Variants in RNF180 observed in about 807,000 individuals in gnomAD.
RNF180 encodes the protein E3 ubiquitin-protein ligase RNF180.
Under a neutral mutation model 59.2 loss-of-function variants are expected in RNF180, and 38 were observed. The observed-to-expected ratio is 0.64, with a 90% CI of 0.50 to 0.84. RNF180 has a LOEUF of 0.84. Among genes scored for constraint, RNF180 ranks in the 40% least tolerant of loss-of-function variants. The probability of loss-of-function intolerance (pLI) is 0.00; values close to 1 mark genes in which losing one functional copy is unlikely to be tolerated. For missense variants in RNF180, 705 were observed against 700.9 expected (o/e 1.01, Z -0.07); for synonymous variants, 262 against 240.3 (o/e 1.09, Z -0.84).
intron 5 of RNF180, among the ~76,000 whole-genome samples, chr5:64,317,340 A>G (rs1215739409): frequency 6.6e-6 from 1 of 152,102 alleles, no homozygotes; most frequent in Non-Finnish European, 1.5e-5. Flanking sequence ...ATGTGTAAAA[A>G]ATGTATGTCT....
chr5:64,356,643 T>C (rs1746039419), intron 7 of RNF180, among the ~76,000 whole-genome samples: 2 of 151,802 alleles, frequency 1.3e-5, no homozygotes, highest in African/African-American at 4.8e-5. Context: ...GGTATATACA[T>C]ACAATAGGTA....
chr5:64,339,515 A>G (rs1364959441), intron 7 of RNF180, among the ~76,000 whole-genome samples: 3 of 152,202 alleles, frequency 2.0e-5, no homozygotes, highest in African/African-American at 7.2e-5. Flanking sequence ...TGTGATTTCA[A>G]GTTATACCAC....
intron 5 of RNF180, among the ~76,000 whole-genome samples, chr5:64,242,632 A>C (rs1742870644): frequency 6.6e-6 from 1 of 152,228 alleles, no homozygotes; most frequent in Non-Finnish European, 1.5e-5. Context: ...TTCAAGAATG[A>C]GAAGAGAAAG....
chr5:64,178,330 C>T (rs1364270570), intron 1 of RNF180, among the ~76,000 whole-genome samples: 1 of 152,124 alleles, frequency 6.6e-6, no homozygotes, highest in African/African-American at 2.4e-5. Context: ...TTGATCTCCA[C>T]CTGATGCTTT....
At chr5:64,194,381 C>T (rs1182937071) in intron 1 of RNF180, among the ~76,000 whole-genome samples, 3 of 152,234 alleles carry the variant, frequency 2.0e-5, no homozygotes, top group Non-Finnish European at 4.4e-5. Context: ...ATATGGGCCA[C>T]ATTTTCTTAA....
chr5:64,270,220 G>A (rs1318488792), intron 5 of RNF180, among the ~76,000 whole-genome samples: 6 of 152,132 alleles, frequency 3.9e-5, no homozygotes, highest in South Asian at 2.1e-4. Context: ...GATAACTAGC[G>A]CCACCCAAGT....
intron 5 of RNF180, among the ~76,000 whole-genome samples, chr5:64,291,480 A>G (rs1005583073): frequency 4.8e-5 from 6 of 126,024 alleles, no homozygotes; most frequent in Non-Finnish European, 7.7e-5. Context: ...GCTGGAGTGC[A>G]GTGGTGCGAT....
rs1016702299 is a variant in RNF180 at position 64,214,093 on chromosome 5, C to G, written c.767C>G (p.Ser256Cys). ...ATACATAGTAAGACTACTGCCTATT[C>G]CAGACTAAATGAAACACAGCCTATT... Reference protein sequence around the residue: ...YEIHSKTTAYSRLNETQPIDL... With the variant: ...YEIHSKTTAYCRLNETQPIDL... The change falls in exon 4 of 8, where the codon TCC (serine) becomes TGC (cysteine). Residue 256 changes from serine (S) to cysteine (C), a missense_variant. Ser to Cys is a moderately radical substitution (Grantham distance 112). Transcript: ENST00000389100. The G allele has an allele frequency of 1.9e-6, 3 of 1,613,800 alleles. No individual in the cohort carries two copies. The African/African-American group carries it at 4.0e-5, about 22-fold the overall frequency.
At chr5:64,224,956 C>CTGGT (rs1414210651) in intron 5 of RNF180, among the ~76,000 whole-genome samples, 1 of 152,238 alleles carries the variant, frequency 6.6e-6, no homozygotes, top group African/African-American at 2.4e-5. Context: ...ACACCAAATG[C>CTGGT]TGGTCCCTTG....
At chr5:64,350,754 T>C (rs1027167977) in intron 7 of RNF180, among the ~76,000 whole-genome samples, 46 of 152,284 alleles carry the variant, frequency 3.0e-4, no homozygotes, top group Non-Finnish European at 3.8e-4. Context: ...CTCTGTTCTG[T>C]TCCATTGGTC....
chr5:64,185,796 T>G (rs1750839985), intron 1 of RNF180, among the ~76,000 whole-genome samples: 1 of 152,196 alleles, frequency 6.6e-6, no homozygotes, highest in African/African-American at 2.4e-5. Context: ...AGAGGAAGAA[T>G]CAGATGTACT....
intron 4 of RNF180, among the ~76,000 whole-genome samples, chr5:64,215,219 C>G (rs1288241475): frequency 6.6e-6 from 1 of 151,950 alleles, no homozygotes; most frequent in Non-Finnish European, 1.5e-5. Flanking sequence ...TGCTCATGAA[C>G]ATTTGAAAGT....
chr5:64,185,256 A>G (rs1395978886), intron 1 of RNF180, among the ~76,000 whole-genome samples: 4 of 152,220 alleles, frequency 2.6e-5, no homozygotes, highest in Admixed American at 2.6e-4. Context: ...TTTTCATCAT[A>G]ACAGTGTTTG....
intron 5 of RNF180, among the ~76,000 whole-genome samples, chr5:64,268,084 A>G (rs1744792777): frequency 6.6e-6 from 1 of 152,182 alleles, no homozygotes; most frequent in Non-Finnish European, 1.5e-5. Context: ...CATGATTACA[A>G]ATCTATTGAC....
At chr5:64,325,664 A>G (rs1744601949) in intron 6 of RNF180, among the ~76,000 whole-genome samples, 1 of 152,170 alleles carries the variant, frequency 6.6e-6, no homozygotes, top group African/African-American at 2.4e-5. Flanking sequence ...TCAGTCTTGG[A>G]CATTTCTAGT....
intron 1 of RNF180, among the ~76,000 whole-genome samples, chr5:64,184,403 G>A (rs2111966336): frequency 6.6e-6 from 1 of 152,104 alleles, no homozygotes; most frequent in East Asian, 1.9e-4. Flanking sequence ...AACATCTATT[G>A]ATGGTTTTGT....
intron 5 of RNF180, among the ~76,000 whole-genome samples, chr5:64,288,888 C>A (rs1313504918): frequency 6.6e-6 from 1 of 152,172 alleles, no homozygotes. Flanking sequence ...TTATTTCTTT[C>A]TCTTGCCTGA....
At chr5:64,221,228 C>G (rs1741309829) in intron 5 of RNF180, among the ~76,000 whole-genome samples, 1 of 151,934 alleles carries the variant, frequency 6.6e-6, no homozygotes, top group South Asian at 2.1e-4. Flanking sequence ...TCATTCTCCT[C>G]TTCCTCAAGC....
chr5:64,181,307 A>G (rs919128541), intron 1 of RNF180, among the ~76,000 whole-genome samples: 3 of 152,204 alleles, frequency 2.0e-5, no homozygotes, highest in Admixed American at 6.5e-5. Context: ...AATCCAATCA[A>G]GTTGACACTC....
Sources: gnomAD v4.1 joint callset for allele counts (sites outside exome capture counted in the v4.1 genomes callset) on GRCh38, gnomAD v4.1.1 for gene constraint, MANE v1.5 for transcripts, NCBI Gene and HGNC (gene_info 2026-07-23, HGNC 2026-07-21) for gene names.